Variants in SERPINB7 observed in about 807,000 individuals in gnomAD.
The protein encoded by SERPINB7 is serpin family B member 7.
SERPINB7 carries 31 observed loss-of-function variants against 37.4 expected under a neutral mutation model. That is an observed-to-expected ratio of 0.83 (90% confidence interval 0.62 to 1.12). The LOEUF is 1.12. Among genes scored for constraint, SERPINB7 ranks in the 50% most tolerant of loss-of-function variants. The probability of loss-of-function intolerance (pLI) is 0.00; values close to 1 mark genes in which losing one functional copy is unlikely to be tolerated. For missense variants in SERPINB7, 521 were observed against 455.3 expected, an observed-to-expected ratio of 1.14 and a Z score of -1.31; for synonymous variants, 163 against 166.1, an observed-to-expected ratio of 0.98 and a Z score of 0.14.
chr18:63,797,429 A>C (rs1247396156), intron 5 of SERPINB7, among the ~76,000 whole-genome samples: 1 of 152,152 alleles, frequency 6.6e-6, no homozygotes, highest in Non-Finnish European at 1.5e-5. Flanking sequence ...CAAACTATGT[A>C]ATTATTACTC....
chr18:63,780,510 A>T (rs1170926242), intron 1 of SERPINB7, among the ~76,000 whole-genome samples: 1 of 152,170 alleles, frequency 6.6e-6, no homozygotes, highest in African/African-American at 2.4e-5. Flanking sequence ...CGCATCCTGT[A>T]TACCTAGTCC....
chr18:63,771,690 AG>A (rs1056512775), upstream of SERPINB7, among the ~76,000 whole-genome samples: 1 of 152,068 alleles, frequency 6.6e-6, no homozygotes, highest in Non-Finnish European at 1.5e-5. Flanking sequence ...CTGAGTTGAA[AG>A]GGTTTACTTT....
At position 63,761,835 on chromosome 18, in the gene SERPINB7, CT is replaced by C. The variant is rs1313075621; in HGVS notation, c.-19+8723del. ...ATGTGGAACTGTAAGTTCAATTAAA[CT>C]TTTTTTTCTTTTTCTTCCCAATCTC... is the stretch of plus-strand genomic sequence containing the variant. On this transcript the variant is annotated intron_variant, in intron 1 of 7. Coordinates refer to the SERPINB7 transcript ENST00000336429. Among the ~76,000 whole-genome samples the C allele has an allele frequency of 3.3e-5, 5 of 152,134 alleles. No individual in the cohort carries two copies. The East Asian group carries it at 5.8e-4, about 18-fold the overall frequency.
At chr18:63,765,361 C>T (rs911244761) in intron 1 of SERPINB7, among the ~76,000 whole-genome samples, 16 of 152,140 alleles carry the variant, frequency 1.1e-4, no homozygotes, top group African/African-American at 4.8e-5. Flanking sequence ...TCTGATGGCA[C>T]TCCGTGGTCC....
chr18:63,802,854 T>G (rs2049564612), intron 7 of SERPINB7, among the ~76,000 whole-genome samples: 1 of 152,208 alleles, frequency 6.6e-6, no homozygotes, highest in African/African-American at 2.4e-5. Flanking sequence ...TTTCTTTCAT[T>G]ACGTTTTCAT....
intron 1 of SERPINB7, among the ~76,000 whole-genome samples, chr18:63,761,948 C>T (rs989930409): frequency 6.6e-6 from 1 of 152,206 alleles, no homozygotes; most frequent in Non-Finnish European, 1.5e-5. Flanking sequence ...TAGGTCTGAC[C>T]TGATCCAACT....
Position 63,804,964 on chromosome 18 carries a change from C to T in SERPINB7, c.*329C>T, listed in dbSNP as rs972175854. 2 of 249,642 alleles carry T rather than the reference C, an allele frequency of 8.0e-6. No individual in the cohort carries two copies. The highest frequency in any genetic ancestry group is 4.5e-5 in the African/African-American group (2 of 44,904). 15.5% of individuals were successfully genotyped at this position (249,642 alleles called of 1,614,324 possible). ...TGGTAAGGAGAACGTAGAAGTAGCC[C>T]TAGGGATCCTTTTTGAAACTCTACA... On this transcript the variant is annotated 3_prime_UTR_variant, in exon 8 of 8. Coordinates refer to ENST00000398019, the MANE Select transcript of SERPINB7 (RefSeq NM_003784.4).
rs1434068161 is a variant in SERPINB7 at position 63,775,465 on chromosome 18, G to C, written c.-270G>C. On this transcript the variant is annotated 5_prime_UTR_variant, in exon 1 of 8. Coordinates refer to ENST00000398019, the MANE Select transcript of SERPINB7 (RefSeq NM_003784.4). ...AGAGTGCAGGCTGCACCTTTGGACA[G>C]CCTTTAAAACTGAATTCTCAGAATT... 1.3e-5 allele frequency: 2 copies of C among 152,184 alleles called. No homozygotes were observed. Among genetic ancestry groups the C allele is most frequent in the Non-Finnish European group, 2.9e-5 (2 of 68,038 alleles). 9.4% of individuals were successfully genotyped at this position (152,184 alleles called of 1,614,324 possible).
In SERPINB7 at chr18:63,783,176, G is replaced by T. The variant is rs527974594; in HGVS notation, c.168+636G>T. Among the ~76,000 whole-genome samples the T allele has an allele frequency of 1.5e-3, 133 of 87,640 alleles. 2 individuals are homozygous for T. The highest frequency in any genetic ancestry group is 6.5e-3 in the African/African-American group (116 of 17,944). The allele number at this position is 87,640 out of a possible 152,430, so 57.5% of individuals were successfully genotyped here. ...TCAAACAAAACAAAAAGAAAATAAA[G>T]AAAGAAAGAAAGAGAGAGAGAGAGA... On this transcript the variant is annotated intron_variant, in intron 2 of 7. Coordinates refer to ENST00000398019, the MANE Select transcript of SERPINB7 (RefSeq NM_003784.4).
At chr18:63,773,536 C>T (rs535811739), upstream of SERPINB7, among the ~76,000 whole-genome samples, 42 of 152,218 alleles carry the variant, frequency 2.8e-4, no homozygotes, top group South Asian at 7.5e-3. Context: ...AGTTCACAGC[C>T]TTCTCTACTG....
chr18:63,768,319 C>A (rs942081985), intron 1 of SERPINB7, among the ~76,000 whole-genome samples: 12 of 151,914 alleles, frequency 7.9e-5, no homozygotes, highest in African/African-American at 2.9e-4. Flanking sequence ...TTATCTATAA[C>A]CTTCTGCTCC....
At chr18:63,770,630 A>G (rs1161564963), upstream of SERPINB7, among the ~76,000 whole-genome samples, 1 of 152,030 alleles carries the variant, frequency 6.6e-6, no homozygotes, top group Non-Finnish European at 1.5e-5. Context: ...TGTTGATAGT[A>G]AACTCTAGTT....
In SERPINB7 at chr18:63,781,849, A is replaced by G. The variant is rs1056031000; in HGVS notation, c.-18-506A>G. On this transcript the variant is annotated intron_variant, in intron 1 of 7. Transcript: ENST00000398019. The stretch of plus-strand genomic sequence containing the variant: ...ATGATGCATAATACTTAAAATTAGG[A>G]CAGTTTTGAAAAAAAATAGAATGTA... 3.3e-5 allele frequency among the ~76,000 whole-genome samples: 5 copies of G among 152,212 alleles called. No individual in the cohort carries two copies. The South Asian group carries it at 8.3e-4, about 25-fold the overall frequency.
intron 1 of SERPINB7, among the ~76,000 whole-genome samples, chr18:63,781,175 G>A (rs1021799516): frequency 6.6e-6 from 1 of 152,030 alleles, no homozygotes; most frequent in Admixed American, 6.5e-5. Context: ...CCCTCCTTGT[G>A]ACCCCCTTCC....
chr18:63,781,901 C>G (rs1015295547), intron 1 of SERPINB7, among the ~76,000 whole-genome samples: 1 of 151,730 alleles, frequency 6.6e-6, no homozygotes, highest in African/African-American at 2.4e-5. Flanking sequence ...TTACAGAGGC[C>G]TTAATGGAAA....
intron 1 of SERPINB7, among the ~76,000 whole-genome samples, chr18:63,760,009 C>T (rs1010297664): frequency 1.3e-5 from 2 of 152,074 alleles, no homozygotes; most frequent in African/African-American, 4.8e-5. Flanking sequence ...AAAAAATACC[C>T]AAAAATGTGG....
chr18:63,783,213 AGAGAGAG>A lies in SERPINB7; in HGVS notation c.168+674_168+680del, dbSNP rs1568207663. Among the ~76,000 whole-genome samples, 275 of 77,916 alleles carry A rather than the reference AGAGAGAG, an allele frequency of 3.5e-3. 1 individual carries two copies. In the East Asian group the frequency reaches 0.041, roughly 12 times the overall value. The allele number at this position is 77,916 out of a possible 152,430, so 51.1% of individuals were successfully genotyped here. A position where few individuals can be genotyped will look rare whatever the true frequency, so the allele number is the denominator to read the frequency against. ...GAGAGAGAGAGAGAGAGAGAGAGAG[AGAGAGAG>A]AGAGAGAGAGAGAGAAAGAAAGAAA... is the stretch of plus-strand genomic sequence containing the variant. On this transcript the variant is annotated intron_variant, in intron 2 of 7. Transcript: ENST00000398019.
chr18:63,770,773 A>G (rs2049205676), upstream of SERPINB7, among the ~76,000 whole-genome samples: 1 of 151,978 alleles, frequency 6.6e-6, no homozygotes, highest in South Asian at 2.1e-4. Context: ...TGTGTTCTCT[A>G]CTATTAGGGT....
intron 1 of SERPINB7, among the ~76,000 whole-genome samples, chr18:63,755,139 C>T (rs1294599877): frequency 2.0e-5 from 3 of 151,986 alleles, no homozygotes; most frequent in Non-Finnish European, 2.9e-5. Context: ...CTCCTGACCT[C>T]ATGATCCACC....
Sources: gnomAD v4.1 joint callset for allele counts (sites outside exome capture counted in the v4.1 genomes callset) on GRCh38, gnomAD v4.1.1 for gene constraint, MANE v1.5 for transcripts, NCBI Gene and HGNC (gene_info 2026-07-23, HGNC 2026-07-21) for gene names.